The following SH3RF3 variants were observed in gnomAD, a reference collection of about 807,000 sequenced individuals.
SH3RF3 encodes the protein E3 ubiquitin-protein ligase SH3RF3.
A neutral mutation model predicts 66.3 loss-of-function variants in SH3RF3; 29 were observed. The ratio of observed to expected loss-of-function variants is 0.44; its 90% CI spans 0.33 to 0.60. The LOEUF (loss-of-function observed/expected upper bound fraction) is 0.60. Among genes scored for constraint, SH3RF3 ranks in the 20% least tolerant of loss-of-function variants. SH3RF3 has a pLI of 0.04. For missense variants in SH3RF3, 1,194 were observed against 1,190.9 expected (o/e 1.00, Z -0.04); for synonymous variants, 583 against 532.0 (o/e 1.10, Z -1.32).
At chr2:109,414,877 C>CAT (rs1386740418) in intron 4 of SH3RF3, among the ~76,000 whole-genome samples, 2 of 152,212 alleles carry the variant, frequency 1.3e-5, no homozygotes, top group Admixed American at 1.3e-4. Flanking sequence ...GGACTGATGG[C>CAT]CCCCACACAT....
chr2:109,278,497 C>G (rs1680810985), intron 1 of SH3RF3, among the ~76,000 whole-genome samples: 1 of 152,192 alleles, frequency 6.6e-6, no homozygotes. Context: ...TGATGAGGCA[C>G]AAGGATTCAG....
intron 2 of SH3RF3, among the ~76,000 whole-genome samples, chr2:109,362,232 C>T (rs140462225): frequency 0.011 from 1,622 of 152,150 alleles, 22 homozygotes; most frequent in African/African-American, 0.037. Flanking sequence ...GCTACTTTTG[C>T]GGCATCTCAC....
At chr2:109,445,148 A>G (rs1677671924) in intron 7 of SH3RF3, among the ~76,000 whole-genome samples, 1 of 152,106 alleles carries the variant, frequency 6.6e-6, no homozygotes, top group South Asian at 2.1e-4. Flanking sequence ...AATACAGAGC[A>G]GAGATGAAAA....
chr2:109,481,600 C>T (rs891861845), intron 8 of SH3RF3, among the ~76,000 whole-genome samples: 6 of 152,060 alleles, frequency 3.9e-5, no homozygotes, highest in East Asian at 1.9e-4. Context: ...GCTAAACGTG[C>T]GCTTCATCCC....
intron 2 of SH3RF3, among the ~76,000 whole-genome samples, chr2:109,352,723 C>T (rs771247479): frequency 3.9e-5 from 6 of 152,180 alleles, no homozygotes; most frequent in Non-Finnish European, 7.3e-5. Context: ...CTCCTAGGCT[C>T]AGTGCACCTG....
rs1676235246 is a variant in SH3RF3 at position 109,399,071 on chromosome 2, T to C, written c.1299+128T>C. 9 of 1,127,004 alleles carry C rather than the reference T, an allele frequency of 8.0e-6. No individual in the cohort carries two copies. The South Asian group carries it at 1.4e-4, about 17-fold the overall frequency. The allele number at this position is 1,127,004 out of a possible 1,614,324, so 69.8% of individuals were successfully genotyped here. ...CCCAGAACTGCCTTTTGGGGTTGAG[T>C]GGGGTTTGCCCTTTGCTGCCTGGCA... On this transcript the variant is annotated intron_variant, in intron 4 of 9. Coordinates refer to ENST00000309415, the MANE Select transcript of SH3RF3 (RefSeq NM_001099289.3).
intron 1 of SH3RF3, among the ~76,000 whole-genome samples, chr2:109,145,456 GGTCT>G (rs1677072424): frequency 6.6e-6 from 1 of 152,116 alleles, no homozygotes; most frequent in African/African-American, 2.4e-5. Flanking sequence ...CTTCACCATT[GGTCT>G]GTCTGTCCGT....
intron 1 of SH3RF3, among the ~76,000 whole-genome samples, chr2:109,184,798 G>A (rs1453353573): frequency 1.3e-5 from 2 of 152,186 alleles, no homozygotes; most frequent in African/African-American, 2.4e-5. Context: ...CCACATACAA[G>A]AAAGTATTTG....
chr2:109,468,874 AAAG>A (rs1409822348), intron 8 of SH3RF3, among the ~76,000 whole-genome samples: 1 of 150,888 alleles, frequency 6.6e-6, no homozygotes, highest in African/African-American at 2.4e-5. Context: ...AAAAAAAAAA[AAAG>A]TTAAATTCAG....
intron 1 of SH3RF3, among the ~76,000 whole-genome samples, chr2:109,147,629 C>A (rs1337070511): frequency 6.6e-6 from 1 of 152,188 alleles, no homozygotes; most frequent in African/African-American, 2.4e-5. Flanking sequence ...TATCGATTCC[C>A]AGTTCTCTTG....
intron 5 of SH3RF3, among the ~76,000 whole-genome samples, chr2:109,429,466 T>C (rs1020161262): frequency 3.3e-5 from 5 of 152,172 alleles, no homozygotes; most frequent in Non-Finnish European, 7.4e-5. Context: ...AAATTTAAGA[T>C]GAAGAGGCCA....
At position 109,354,678 on chromosome 2, in the gene SH3RF3, G is replaced by A. The variant is rs531272875; in HGVS notation, c.849+6729G>A. On this transcript the variant is annotated intron_variant, in intron 2 of 9. Coordinates refer to ENST00000309415, the MANE Select transcript of SH3RF3 (RefSeq NM_001099289.3). ...GTGGTGTCAAAGGGCAGTGTGCTCC[G>A]CCAGCCACCTCCAGTGGCATCCTAA... is the stretch of plus-strand genomic sequence containing the variant. 5.9e-5 allele frequency among the ~76,000 whole-genome samples: 9 copies of A among 152,354 alleles called. No individual in the cohort carries two copies. In the South Asian group the frequency reaches 6.2e-4, roughly 11 times the overall value.
chr2:109,325,679 A>G (rs539434215), intron 1 of SH3RF3, among the ~76,000 whole-genome samples: 59 of 152,180 alleles, frequency 3.9e-4, no homozygotes, highest in African/African-American at 1.4e-3. Flanking sequence ...GTTCTTTTCT[A>G]TATGCCCACT....
intron 1 of SH3RF3, among the ~76,000 whole-genome samples, chr2:109,303,801 G>A (rs1047335000): frequency 1.3e-5 from 2 of 152,202 alleles, no homozygotes; most frequent in Non-Finnish European, 1.5e-5. Context: ...GTGAGTCTGT[G>A]AAGCCATCAC....
chr2:109,417,632 C>T (rs1179837885), intron 4 of SH3RF3, among the ~76,000 whole-genome samples: 1 of 152,164 alleles, frequency 6.6e-6, no homozygotes, highest in Non-Finnish European at 1.5e-5. Context: ...ACAGTGTCTG[C>T]ATTGCAATGG....
chr2:109,229,876 G>A (rs1297087362), intron 1 of SH3RF3, among the ~76,000 whole-genome samples: 23 of 147,978 alleles, frequency 1.6e-4, no homozygotes, highest in Admixed American at 5.4e-4. Flanking sequence ...CCAGGCTGGA[G>A]TGCAGTGGCG....
At chr2:109,356,270 G>A (rs540935489) in intron 2 of SH3RF3, among the ~76,000 whole-genome samples, 2 of 151,964 alleles carry the variant, frequency 1.3e-5, no homozygotes, top group South Asian at 2.1e-4. Context: ...AGATCCCACC[G>A]CCCTCCTGAG....
At chr2:109,472,380 A>C (rs1678542162) in intron 8 of SH3RF3, among the ~76,000 whole-genome samples, 1 of 151,978 alleles carries the variant, frequency 6.6e-6, no homozygotes, top group Admixed American at 6.5e-5. Flanking sequence ...TCCTGGAAGC[A>C]ATCTTCCTTA....
chr2:109,175,636 A>G (rs1677898844), intron 1 of SH3RF3, among the ~76,000 whole-genome samples: 1 of 152,154 alleles, frequency 6.6e-6, no homozygotes, highest in South Asian at 2.1e-4. Flanking sequence ...CTCAGTGGAA[A>G]CCTTATTTTT....
Sources: gnomAD v4.1 joint callset for allele counts (sites outside exome capture counted in the v4.1 genomes callset) on GRCh38, gnomAD v4.1.1 for gene constraint, MANE v1.5 for transcripts, NCBI Gene and HGNC (gene_info 2026-07-23, HGNC 2026-07-21) for gene names.